The following ACSL1 variants were observed in gnomAD, a reference collection of about 807,000 sequenced individuals.
ACSL1 encodes long-chain-fatty-acid--CoA ligase 1.
In ACSL1, 41 loss-of-function variants were observed where a neutral mutation model predicts 98.4. The observed-to-expected ratio is 0.42, with a 90% CI of 0.32 to 0.54. The LOEUF (loss-of-function observed/expected upper bound fraction) is 0.54. Among genes scored for constraint, ACSL1 ranks in the 20% least tolerant of loss-of-function variants. The probability of loss-of-function intolerance (pLI) is 0.13; values close to 1 mark genes in which losing one functional copy is unlikely to be tolerated. For missense variants in ACSL1, 734 were observed against 883.1 expected, an observed-to-expected ratio of 0.83 and a Z score of 2.14; for synonymous variants, 316 against 322.7, an observed-to-expected ratio of 0.98 and a Z score of 0.22.
chr4:184,825,423 G>C lies in ACSL1; in HGVS notation c.-33+493C>G, dbSNP rs1229143285. On this transcript the variant is annotated intron_variant, in intron 1 of 20. Transcript: ENST00000281455. This position sits in a 1 kb window ranked among gnomAD's most constrained non-coding sequence, Gnocchi z 4.7. ...GGGCCTCGTGCCGCCGCGCTGCGTGGGGCCGGCATCTCAGCGGGCGCGAGT... is the reference window on the plus strand; with the variant it reads ...GGGCCTCGTGCCGCCGCGCTGCGTGCGGCCGGCATCTCAGCGGGCGCGAGT... Among the ~76,000 whole-genome samples the C allele has an allele frequency of 6.6e-6, 1 of 152,198 alleles. No individual in the cohort carries two copies. The highest frequency in any genetic ancestry group is 1.9e-4 in the East Asian group (1 of 5,150).
chr4:184,798,454 G>A (rs560282102), intron 2 of ACSL1: 1 of 157,374 alleles, frequency 6.4e-6, no homozygotes, highest in East Asian at 1.8e-4. Context: ...CCCATACCAC[G>A]GCTCTCATAA....
intron 2 of ACSL1, among the ~76,000 whole-genome samples, chr4:184,792,068 G>A (rs770500743): frequency 6.6e-5 from 10 of 152,146 alleles, no homozygotes; most frequent in Middle Eastern, 3.2e-3. Flanking sequence ...TTTTGGTGGT[G>A]TATAATCTTC....
chr4:184,761,924 T>C (rs1237852281), intron 17 of ACSL1, among the ~76,000 whole-genome samples: 2 of 151,928 alleles, frequency 1.3e-5, no homozygotes, highest in Admixed American at 6.6e-5. Flanking sequence ...GTCAGGAGTT[T>C]GAGACCAGCC....
At chr4:184,795,142 A>T (rs1769132774) in intron 2 of ACSL1, among the ~76,000 whole-genome samples, 1 of 152,242 alleles carries the variant, frequency 6.6e-6, no homozygotes, top group Admixed American at 6.5e-5. Flanking sequence ...TGAATATACA[A>T]GGCATCTGCT....
chr4:184,776,720 G>A, intron 6 of ACSL1, 58 bp from the exon 7 acceptor site: 1 of 1,559,342 alleles, frequency 6.4e-7, no homozygotes, highest in Non-Finnish European at 8.7e-7. Flanking sequence ...GATTCACTCT[G>A]TCATATCCAG....
intron 2 of ACSL1, among the ~76,000 whole-genome samples, chr4:184,796,907 G>A (rs566750703): frequency 1.3e-5 from 2 of 152,300 alleles, no homozygotes; most frequent in South Asian, 2.1e-4. Context: ...GCCTCTCAGC[G>A]TTCACCTGAT....
At chr4:184,819,641 T>C (rs898575730) in intron 1 of ACSL1, among the ~76,000 whole-genome samples, 5 of 152,048 alleles carry the variant, frequency 3.3e-5, no homozygotes, top group Non-Finnish European at 7.4e-5. Flanking sequence ...GAGTTTGCTT[T>C]CTAGAAGCCT....
intron 1 of ACSL1, among the ~76,000 whole-genome samples, chr4:184,811,412 G>T (rs1320402643): frequency 6.6e-6 from 1 of 151,330 alleles, no homozygotes; most frequent in East Asian, 1.9e-4. Context: ...GCGCCCAGCT[G>T]CACAATGCTT....
At chr4:184,779,613 G>A (rs1031790096) in intron 5 of ACSL1, among the ~76,000 whole-genome samples, 3 of 152,088 alleles carry the variant, frequency 2.0e-5, no homozygotes, top group African/African-American at 4.8e-5. Flanking sequence ...ACCAACCAGA[G>A]GGAAAGCCTC....
chr4:184,781,229 CAAAAAAAA>C (rs34392146), intron 4 of ACSL1, among the ~76,000 whole-genome samples: 1 of 70,112 alleles, frequency 1.4e-5, no homozygotes, highest in Non-Finnish European at 2.6e-5. Context: ...GACTCCATCT[CAAAAAAAA>C]AAAAAAAAAA....
chr4:184,762,536 A>T lies in ACSL1; in HGVS notation c.1522-13T>A. On this transcript the variant is annotated splice_polypyrimidine_tract_variant and intron_variant, in intron 16 of 20. Transcript: ENST00000281455. ...CTTTCACACACACCTAAAGAAAAGA[A>T]GATCATCAGTGAACAGCATTTACTG... 3.1e-6 allele frequency: 5 copies of T among 1,608,172 alleles called. No individual in the cohort carries two copies. Among genetic ancestry groups the T allele is most frequent in the South Asian group, 1.1e-5 (1 of 90,956 alleles).
At chr4:184,805,390 C>CTCAT in intron 1 of ACSL1, 4 of 726,194 alleles carry the variant, frequency 5.5e-6, no homozygotes, top group South Asian at 6.2e-5. Context: ...TGTAAGTGTA[C>CTCAT]TCACTCACAC....
intron 11 of ACSL1, among the ~76,000 whole-genome samples, chr4:184,768,982 T>C (rs1471496371): frequency 6.6e-6 from 1 of 151,794 alleles, no homozygotes; most frequent in Non-Finnish European, 1.5e-5. Flanking sequence ...GGCTGGAGAA[T>C]CGCTTGAACC....
At chr4:184,777,362 G>A (rs1765452152) in intron 5 of ACSL1, among the ~76,000 whole-genome samples, 1 of 152,116 alleles carries the variant, frequency 6.6e-6, no homozygotes, top group African/African-American at 2.4e-5. Flanking sequence ...AGAGGCTGAG[G>A]CGGGAGGATT....
At chr4:184,815,963 A>G (rs910814396) in intron 1 of ACSL1, among the ~76,000 whole-genome samples, 1 of 152,084 alleles carries the variant, frequency 6.6e-6, no homozygotes, top group Non-Finnish European at 1.5e-5. Context: ...TCTACTAAAA[A>G]TACAAAAATT....
Position 184,809,674 on chromosome 4 carries a change from T to C in ACSL1, c.-32-6128A>G, listed in dbSNP as rs183745467. On this transcript the variant is annotated intron_variant, in intron 1 of 20. Transcript: ENST00000281455. ...AGCCAGGCGTGGTGGCAGGCGCCTG[T>C]AGTCCCAGCTACTTGGGAGGCTGAG... Among the ~76,000 whole-genome samples the C allele has an allele frequency of 1.4e-4, 21 of 152,040 alleles. No individual in the cohort carries two copies. The East Asian group carries it at 3.5e-3, about 25-fold the overall frequency.
chr4:184,816,779 C>G (rs1396606313), intron 1 of ACSL1, among the ~76,000 whole-genome samples: 1 of 152,018 alleles, frequency 6.6e-6, no homozygotes, highest in African/African-American at 2.4e-5. Context: ...CTGAGGCCTC[C>G]ACGGCTCTAT....
rs762452670 is a variant in ACSL1, at chr4:184,766,603, G to A, written c.1263+19C>T. On this transcript the variant is annotated intron_variant, in intron 13 of 20. Coordinates refer to ENST00000281455, the MANE Select transcript of ACSL1 (RefSeq NM_001995.5). The surrounding 1 kb of genome is among the most constrained non-coding windows in gnomAD (Gnocchi z 4.8). ...GAAGTCGGTTTCCATGGGAGCAGTG[G>A]CTGTGAGTCACGTGTTACCTGTACT... 6.2e-7 allele frequency: 1 copy of A among 1,608,106 alleles called. No homozygotes were observed. Among genetic ancestry groups the A allele is most frequent in the South Asian group, 1.1e-5 (1 of 90,878 alleles).
rs1431028165 is a variant in ACSL1, at chr4:184,760,427, T to C, written c.1712A>G (p.Glu571Gly). The C allele has an allele frequency of 2.5e-6, 4 of 1,614,088 alleles. No homozygotes were observed. The African/African-American group carries it at 4.0e-5, about 16-fold the overall frequency. Residue 571 changes from glutamate (E) to glycine (G), a missense_variant, in exon 18 of 21, where the codon GAA becomes GGA. Glu to Gly is a moderately conservative substitution (Grantham distance 98). Coordinates refer to ENST00000281455, the MANE Select transcript of ACSL1 (RefSeq NM_001995.5). Reference sequence around the variant, plus strand: ...TCGCATGTAGATATTTTCAATCTTTTCAGGGGCTATGTATTCTCCTTGTGC... The same window carrying C: ...TCGCATGTAGATATTTTCAATCTTTCCAGGGGCTATGTATTCTCCTTGTGC... ...KLAQGEYIAP[E>G]KIENIYMRSE... is the part of the protein sequence containing the mutation.
Sources: allele counts gnomAD v4.1 joint callset (sites outside exome capture counted in the v4.1 genomes callset), GRCh38; gene constraint gnomAD v4.1.1; non-coding constraint Gnocchi (gnomAD v3.1); transcripts MANE v1.5; gene names NCBI Gene and HGNC (gene_info 2026-07-23, HGNC 2026-07-21).